DEUP1: variants seen among roughly 807,000 people sequenced by gnomAD.
The protein encoded by DEUP1 is coiled-coil domain containing 67.
DEUP1 carries 82 observed loss-of-function variants against 87.4 expected under a neutral mutation model. That is an observed-to-expected ratio of 0.94 (90% CI 0.78 to 1.13). The LOEUF is 1.13. Ranked by LOEUF, DEUP1 falls within the 50% of genes most tolerant of loss-of-function variation. The pLI, the probability that DEUP1 is intolerant of heterozygous loss-of-function variation, is 0.00. For missense variants in DEUP1, 663 were observed against 681.5 expected, an observed-to-expected ratio of 0.97 and a Z score of 0.30; for synonymous variants, 214 against 222.7, an observed-to-expected ratio of 0.96 and a Z score of 0.35.
chr11:93,334,449 G>A (rs1284807131), intron 2 of DEUP1, among the ~76,000 whole-genome samples: 4 of 152,196 alleles, frequency 2.6e-5, no homozygotes, highest in African/African-American at 4.8e-5. Flanking sequence ...CATAGTGGAA[G>A]AGACAGATAA....
At chr11:93,372,266 T>C (rs1332579591) in intron 7 of DEUP1, among the ~76,000 whole-genome samples, 1 of 152,188 alleles carries the variant, frequency 6.6e-6, no homozygotes, top group Non-Finnish European at 1.5e-5. Flanking sequence ...CTTGAGACGT[T>C]CTTTTATCTC....
At position 93,408,252 on chromosome 11, in the gene DEUP1, G is replaced by T. The variant is rs1947337968; in HGVS notation, c.1348G>T (p.Glu450Ter). Residue 450 changes from glutamate to a stop codon, truncating the protein, a stop_gained, in exon 12 of 14, where the codon GAA becomes TAA. Transcript: ENST00000298050. LOFTEE classifies it high-confidence loss of function. ...CTAGAGTATGGACTTCACTAACAGG[G>T]AACAGTCAAGGCATACATCTATTAA... ...EYMSMDFTNR[E>*]QSRHTSINKL... 1 of 1,576,626 alleles carries T rather than the reference G, an allele frequency of 6.3e-7. No individual in the cohort carries two copies. Among genetic ancestry groups the T allele is most frequent in the Non-Finnish European group, 8.6e-7 (1 of 1,160,842 alleles).
chr11:93,347,707 T>A (rs11020275), intron 2 of DEUP1, among the ~76,000 whole-genome samples: 35,462 of 151,998 alleles, frequency 0.23, 4,536 homozygotes, highest in South Asian at 0.38. Context: ...GTTGGTCTGT[T>A]CAGAGATTCA....
chr11:93,396,636 TCAAGTGC>T (rs895176359), intron 11 of DEUP1, among the ~76,000 whole-genome samples: 2 of 152,196 alleles, frequency 1.3e-5, no homozygotes, highest in African/African-American at 4.8e-5. Context: ...GTGGCCTGAT[TCAAGTGC>T]CAATCTTCCC....
At chr11:93,342,379 G>A (rs1944126067) in intron 2 of DEUP1, among the ~76,000 whole-genome samples, 1 of 152,114 alleles carries the variant, frequency 6.6e-6, no homozygotes, top group African/African-American at 2.4e-5. Flanking sequence ...CTCCTGGGAG[G>A]GTTAATTCTC....
intron 11 of DEUP1, among the ~76,000 whole-genome samples, chr11:93,405,376 A>G (rs1208451652): frequency 1.3e-5 from 2 of 152,012 alleles, no homozygotes; most frequent in African/African-American, 2.4e-5. Context: ...ATGCCTCTCA[A>G]AAAGAATAAA....
At chr11:93,396,778 T>C (rs1212594863) in intron 11 of DEUP1, among the ~76,000 whole-genome samples, 3 of 152,190 alleles carry the variant, frequency 2.0e-5, no homozygotes, top group Non-Finnish European at 4.4e-5. Context: ...CATGTCTTAT[T>C]GGTGTTTGTT....
intron 11 of DEUP1, among the ~76,000 whole-genome samples, chr11:93,403,176 G>A (rs1002717603): frequency 1.3e-5 from 2 of 151,840 alleles, no homozygotes; most frequent in African/African-American, 2.4e-5. Flanking sequence ...GTATAAATGA[G>A]ATTTGTATAT....
intron 13 of DEUP1, among the ~76,000 whole-genome samples, chr11:93,432,448 C>T (rs1948132531): frequency 6.6e-6 from 1 of 152,152 alleles, no homozygotes; most frequent in African/African-American, 2.4e-5. Flanking sequence ...ATAGAATCGC[C>T]TTGCAGTGTT....
At chr11:93,335,215 A>G (rs1469938416) in intron 2 of DEUP1, among the ~76,000 whole-genome samples, 1 of 144,430 alleles carries the variant, frequency 6.9e-6, no homozygotes, top group African/African-American at 2.4e-5. Context: ...TCTTTTTATT[A>G]TTACTTTTTA....
chr11:93,350,862 C>T lies in DEUP1; in HGVS notation c.30-4509C>T, dbSNP rs370936541. ...TCCCAGCTACTCGGGAGGCTGAGGCCGAAGAATCGTTTGAACCCAGGAGGC... is the reference window on the plus strand; with the variant it reads ...TCCCAGCTACTCGGGAGGCTGAGGCTGAAGAATCGTTTGAACCCAGGAGGC... On this transcript the variant is annotated intron_variant, in intron 2 of 13. Transcript: ENST00000298050. 3.3e-4 allele frequency among the ~76,000 whole-genome samples: 50 copies of T among 151,308 alleles called. No homozygotes were observed. In the East Asian group the frequency reaches 5.8e-3, roughly 18 times the overall value.
intron 5 of DEUP1, among the ~76,000 whole-genome samples, chr11:93,366,351 T>A (rs1945415901): frequency 6.6e-6 from 1 of 152,194 alleles, no homozygotes; most frequent in Non-Finnish European, 1.5e-5. Flanking sequence ...CTCCAATATT[T>A]ATTAGAGGGC....
chr11:93,386,687 G>A (rs1946576314), intron 8 of DEUP1, among the ~76,000 whole-genome samples: 1 of 152,138 alleles, frequency 6.6e-6, no homozygotes, highest in Non-Finnish European at 1.5e-5. Context: ...GTCTCACCAA[G>A]GATGGTGACA....
chr11:93,357,257 A>G, intron 4 of DEUP1: 3 of 369,024 alleles, frequency 8.1e-6, no homozygotes, highest in Non-Finnish European at 1.4e-5. Context: ...TTAGCACAGT[A>G]GTAGACAAAT....
chr11:93,372,105 T>C (rs1229270454), intron 7 of DEUP1, among the ~76,000 whole-genome samples: 1 of 151,804 alleles, frequency 6.6e-6, no homozygotes, highest in Non-Finnish European at 1.5e-5. Context: ...ATTTTTTGTA[T>C]TTTTAGTAGA....
intron 2 of DEUP1, among the ~76,000 whole-genome samples, chr11:93,337,944 G>A (rs757385493): frequency 2.1e-5 from 3 of 140,108 alleles, no homozygotes; most frequent in Non-Finnish European, 1.6e-5. Context: ...ATGTAGATAT[G>A]TACATCAGGT....
chr11:93,348,585 T>C (rs1008190101), intron 2 of DEUP1, among the ~76,000 whole-genome samples: 2 of 152,250 alleles, frequency 1.3e-5, no homozygotes, highest in Admixed American at 6.5e-5. Context: ...TTAATTTCAT[T>C]ATTTACCAAA....
At chr11:93,389,375 A>C (rs924848441) in intron 9 of DEUP1, among the ~76,000 whole-genome samples, 1 of 152,210 alleles carries the variant, frequency 6.6e-6, no homozygotes, top group African/African-American at 2.4e-5. Context: ...TGGAGGCTCC[A>C]TGATAGGTGG....
chr11:93,432,965 T>C (rs990877472), intron 13 of DEUP1, among the ~76,000 whole-genome samples: 2 of 152,178 alleles, frequency 1.3e-5, no homozygotes, highest in African/African-American at 4.8e-5. Flanking sequence ...ACTTCTTTTT[T>C]TCCTTTTACT....
Sources: gnomAD v4.1 joint callset for allele counts (sites outside exome capture counted in the v4.1 genomes callset) on GRCh38, gnomAD v4.1.1 for gene constraint, MANE v1.5 for transcripts, NCBI Gene and HGNC (gene_info 2026-07-23, HGNC 2026-07-21) for gene names.